The following SLIT2 variants were observed in gnomAD, a reference collection of about 807,000 sequenced individuals.
The protein encoded by SLIT2 is slit guidance ligand 2, also known as slit homolog 2 protein.
In SLIT2, 41 loss-of-function variants were observed where a neutral mutation model predicts 185.7. The observed-to-expected ratio is 0.22, with a 90% CI of 0.17 to 0.29. The LOEUF (loss-of-function observed/expected upper bound fraction) is 0.29. Among genes scored for constraint, SLIT2 ranks in the 10% least tolerant of loss-of-function variants. The probability of loss-of-function intolerance (pLI) is 1.00; values close to 1 mark genes in which losing one functional copy is unlikely to be tolerated. For synonymous variants in SLIT2, 693 were observed against 680.2 expected (o/e 1.02, Z -0.29); for missense variants, 1,571 against 1,909.0 (o/e 0.82, Z 3.30).
At chr4:20,605,856 C>T (rs890359597) in intron 33 of SLIT2, among the ~76,000 whole-genome samples, 2 of 151,942 alleles carry the variant, frequency 1.3e-5, no homozygotes, top group Admixed American at 6.6e-5. Flanking sequence ...AAGCAATCCT[C>T]ATGCCTCAGC....
rs755277295 is a variant in SLIT2 at position 20,524,168 on chromosome 4, C to T, written c.1429C>T (p.Arg477Cys). ...TGGACAGATCAAAAGCAAGAAATTC[C>T]GTTGTTCAGGTAATTTCTTCACGTG... ...RIGQIKSKKF[R>C]CSAKEQYFIP... The change falls in exon 14 of 37, where the codon CGT becomes TGT. Residue 477 changes from arginine (R) to cysteine (C), a missense_variant. This residue lies in a region of SLIT2 where 1,202 missense variants were observed against 1,416.4 expected (regional missense o/e 0.85). Coordinates refer to ENST00000504154, the MANE Select transcript of SLIT2 (RefSeq NM_004787.4). 1.9e-6 allele frequency: 3 copies of T among 1,613,980 alleles called. No homozygotes were observed. The highest frequency in any genetic ancestry group is 1.1e-5 in the South Asian group (1 of 91,078).
At chr4:20,255,473 TTCGTGTTATA>T (rs1299826122) in intron 1 of SLIT2, among the ~76,000 whole-genome samples, 2 of 152,130 alleles carry the variant, frequency 1.3e-5, no homozygotes, top group Non-Finnish European at 2.9e-5. Context: ...TGGGTGGAGA[TTCGTGTTATA>T]TCGAATAGCC....
intron 4 of SLIT2, among the ~76,000 whole-genome samples, chr4:20,462,231 C>G (rs1200427335): frequency 2.0e-5 from 3 of 152,144 alleles, no homozygotes; most frequent in African/African-American, 7.2e-5. Context: ...GCCTTTCCAG[C>G]TCCCCTCATT....
chr4:20,286,328 C>G (rs1715262960), intron 4 of SLIT2, among the ~76,000 whole-genome samples: 1 of 152,170 alleles, frequency 6.6e-6, no homozygotes, highest in Admixed American at 6.5e-5. Flanking sequence ...TTTAATGTCA[C>G]TCTTGGCTCC....
In SLIT2 at chr4:20,542,518, C is replaced by T. The variant is rs896383609; in HGVS notation, c.2168C>T (p.Pro723Leu). 3.1e-6 allele frequency: 5 copies of T among 1,613,500 alleles called. No individual in the cohort carries two copies. The highest frequency in any genetic ancestry group is 1.3e-5 in the African/African-American group (1 of 74,892). ...GGAAATGATGACAATAGTTGCTCCC[C>T]ACTTTCTCGCTGTCCTACTGAATGT... The part of the protein sequence containing the change: ...DDGNDDNSCS[P>L]LSRCPTECTC... The change falls in exon 21 of 37, where the codon CCA becomes CTA. Residue 723 changes from proline to leucine, a missense_variant. Pro to Leu is a moderately conservative substitution (Grantham distance 98). Coordinates refer to ENST00000504154, the MANE Select transcript of SLIT2 (RefSeq NM_004787.4).
chr4:20,556,235 G>C (rs1724237780), intron 26 of SLIT2, among the ~76,000 whole-genome samples: 4 of 151,742 alleles, frequency 2.6e-5, no homozygotes, highest in Admixed American at 2.6e-4. Context: ...TCATTATTTT[G>C]TAAAGTGAGA....
At chr4:20,596,077 A>G (rs1313372753) in intron 31 of SLIT2, among the ~76,000 whole-genome samples, 1 of 152,198 alleles carries the variant, frequency 6.6e-6, no homozygotes, top group Non-Finnish European at 1.5e-5. Flanking sequence ...CTTACTAGGT[A>G]CCCACAAAAA....
chr4:20,347,346 TATTTAA>T (rs1721512507), intron 4 of SLIT2, among the ~76,000 whole-genome samples: 1 of 152,362 alleles, frequency 6.6e-6, no homozygotes, highest in Non-Finnish European at 1.5e-5. Flanking sequence ...CTTTGCCAAA[TATTTAA>T]GTACATAATT....
At position 20,386,153 on chromosome 4, in the gene SLIT2, C is replaced by T. The variant is rs190474334; in HGVS notation, c.396-81599C>T. ...TCATAAGAGAATAATTTGGGCTTTA[C>T]TTAGAGCTTGTTGACTCTTTTTGCA... On this transcript the variant is annotated intron_variant, in intron 4 of 36. Coordinates refer to ENST00000504154, the MANE Select transcript of SLIT2 (RefSeq NM_004787.4). Among the ~76,000 whole-genome samples the T allele has an allele frequency of 9.1e-4, 139 of 152,236 alleles. 1 individual carries two copies. Among genetic ancestry groups the T allele is most frequent in the African/African-American group, 3.0e-3 (125 of 41,556 alleles).
chr4:20,508,726 T>C (rs1194312717), intron 9 of SLIT2, among the ~76,000 whole-genome samples: 6 of 152,104 alleles, frequency 3.9e-5, no homozygotes, highest in African/African-American at 1.2e-4. Context: ...TTTAATCATA[T>C]TTTTACTTTT....
intron 9 of SLIT2, among the ~76,000 whole-genome samples, chr4:20,507,330 G>A (rs1354176913): frequency 1.3e-5 from 2 of 151,804 alleles, no homozygotes; most frequent in African/African-American, 2.4e-5. Flanking sequence ...AGAAAAATTA[G>A]TGATCATTAC....
At position 20,491,885 on chromosome 4, in the gene SLIT2, G is replaced by A. The variant is rs1390891448; in HGVS notation, c.900G>A (p.Glu300=). ...CTGAGATCCCCACAAATCTTCCAGAGACCATCACAGAAATGTATGTGCCTG... is the reference window on the plus strand; with the variant it reads ...CTGAGATCCCCACAAATCTTCCAGAAACCATCACAGAAATGTATGTGCCTG... The part of the protein sequence containing the change: ...GLTEIPTNLP[E]TITEIRLEQN... Residue 300 remains glutamate, a synonymous_variant, in exon 9 of 37, where the codon GAG becomes GAA. Transcript: ENST00000504154. 8 of 1,613,246 alleles carry A rather than the reference G, an allele frequency of 5.0e-6. No individual in the cohort carries two copies. Among genetic ancestry groups the A allele is most frequent in the South Asian group, 1.1e-5 (1 of 90,856 alleles).
Position 20,550,876 on chromosome 4 carries a change from G to T in SLIT2, c.2539G>T (p.Asp847Tyr). 3.1e-6 allele frequency: 5 copies of T among 1,605,948 alleles called. No individual in the cohort carries two copies. The highest frequency in any genetic ancestry group is 3.4e-6 in the Non-Finnish European group (4 of 1,173,654). The change falls in exon 25 of 37, where the codon GAT becomes TAT. Residue 847 changes from aspartate (D) to tyrosine (Y), a missense_variant. Asp to Tyr is a radical substitution (Grantham distance 160). Coordinates refer to ENST00000504154, the MANE Select transcript of SLIT2 (RefSeq NM_004787.4). ...TGTTGTGCCTGAAGGTGCTTTCAAT[G>T]ATCTTTCTGCATTATCACATCTGTG... ...ISVVPEGAFN[D>Y]LSALSHLAIG...
intron 23 of SLIT2, among the ~76,000 whole-genome samples, 191 bp downstream of exon 23, chr4:20,548,750 A>G (rs1309214328): frequency 6.6e-6 from 1 of 152,142 alleles, no homozygotes; most frequent in African/African-American, 2.4e-5. Flanking sequence ...ATTAAAAAAA[A>G]CAAAGAATAA....
intron 26 of SLIT2, among the ~76,000 whole-genome samples, chr4:20,555,554 A>G (rs1287488624): frequency 2.6e-5 from 4 of 152,092 alleles, no homozygotes; most frequent in Admixed American, 6.5e-5. Flanking sequence ...TTAGCTGCTG[A>G]TTGTATTGTT....
chr4:20,401,679 G>A (rs936015729), intron 4 of SLIT2, among the ~76,000 whole-genome samples: 2 of 151,834 alleles, frequency 1.3e-5, no homozygotes, highest in Non-Finnish European at 2.9e-5. Flanking sequence ...ATAATGAAGA[G>A]ATTATGAATG....
At chr4:20,326,092 C>G (rs1174027276) in intron 4 of SLIT2, among the ~76,000 whole-genome samples, 2 of 151,956 alleles carry the variant, frequency 1.3e-5, no homozygotes, top group Non-Finnish European at 2.9e-5. Context: ...CTTAAAAAAT[C>G]TGTTTTGGAA....
At chr4:20,290,005 G>A (rs1463122592) in intron 4 of SLIT2, among the ~76,000 whole-genome samples, 5 of 152,142 alleles carry the variant, frequency 3.3e-5, no homozygotes, top group African/African-American at 4.8e-5. Context: ...CCTCTACACC[G>A]CCACAGGGTC....
At chr4:20,532,718 T>G (rs191724228) in intron 17 of SLIT2, among the ~76,000 whole-genome samples, 2 of 152,318 alleles carry the variant, frequency 1.3e-5, no homozygotes, top group Admixed American at 1.3e-4. Context: ...CATAGTCACA[T>G]AGACTGTAAG....
Sources: allele counts gnomAD v4.1 joint callset (sites outside exome capture counted in the v4.1 genomes callset), GRCh38; gene constraint gnomAD v4.1.1; regional missense constraint gnomAD v4.1.1; transcripts MANE v1.5; gene names NCBI Gene and HGNC (gene_info 2026-07-23, HGNC 2026-07-21).